FAM168A: variants seen among roughly 807,000 people sequenced by gnomAD.
The protein encoded by FAM168A is protein FAM168A.
A neutral mutation model predicts 28.5 loss-of-function variants in FAM168A; 3 were observed. The observed-to-expected ratio is 0.11, with a 90% confidence interval of 0.05 to 0.27. The LOEUF is 0.27. FAM168A is among the 10% of genes least tolerant of loss of function. The pLI is 1.00. For missense variants in FAM168A, 222 were observed against 311.5 expected (o/e 0.71, Z 2.16); for synonymous variants, 122 against 124.2 (o/e 0.98, Z 0.12).
intron 4 of FAM168A, among the ~76,000 whole-genome samples, chr11:73,418,416 C>T (rs1294454328): frequency 6.6e-6 from 1 of 152,236 alleles, no homozygotes; most frequent in Non-Finnish European, 1.5e-5. Flanking sequence ...TGACTGTAAG[C>T]TTCCTGAGGC....
At chr11:73,461,415 G>A (rs1447918554) in intron 2 of FAM168A, among the ~76,000 whole-genome samples, 1 of 152,146 alleles carries the variant, frequency 6.6e-6, no homozygotes, top group Non-Finnish European at 1.5e-5. Flanking sequence ...ACGGCACATG[G>A]CCCACTGTGA....
At chr11:73,560,722 T>G (rs1264620349) in intron 1 of FAM168A, among the ~76,000 whole-genome samples, 1 of 152,132 alleles carries the variant, frequency 6.6e-6, no homozygotes, top group Non-Finnish European at 1.5e-5. Flanking sequence ...GGTAGGAATG[T>G]AAAATGGTAC....
intron 1 of FAM168A, among the ~76,000 whole-genome samples, chr11:73,543,243 AC>A (rs1199851546): frequency 2.7e-5 from 4 of 149,706 alleles, no homozygotes; most frequent in African/African-American, 9.9e-5. Flanking sequence ...CTAGTAATCA[AC>A]TTCAGCCATT....
intron 4 of FAM168A, among the ~76,000 whole-genome samples, chr11:73,417,733 G>A (rs1019908409): frequency 6.6e-6 from 1 of 151,898 alleles, no homozygotes; most frequent in Non-Finnish European, 1.5e-5. Flanking sequence ...CTAATTTTTT[G>A]TATTTTTAGT....
rs535210561 is a variant in FAM168A, at chr11:73,546,208, G to A, written c.-19+51715C>T. Among the ~76,000 whole-genome samples, 19 of 152,286 alleles carry A rather than the reference G, an allele frequency of 1.2e-4. No individual in the cohort carries two copies. The East Asian group carries it at 1.9e-3, about 15-fold the overall frequency. On this transcript the variant is annotated intron_variant, in intron 1 of 7. Transcript: ENST00000356467. ...TATATATCTAAGATCCTATATCCCTGCATTTAATTATTTGGTCAGCAGTAA... is the reference window on the plus strand; with the variant it reads ...TATATATCTAAGATCCTATATCCCTACATTTAATTATTTGGTCAGCAGTAA...
At chr11:73,425,724 G>A (rs1189185094) in intron 3 of FAM168A, among the ~76,000 whole-genome samples, 1 of 152,200 alleles carries the variant, frequency 6.6e-6, no homozygotes, top group African/African-American at 2.4e-5. Context: ...GAGACTACAG[G>A]TGCATGCCAC....
intron 1 of FAM168A, among the ~76,000 whole-genome samples, chr11:73,587,174 A>C (rs986046663): frequency 6.6e-6 from 1 of 150,758 alleles, no homozygotes; most frequent in East Asian, 1.9e-4. Context: ...AAAAAAAAAA[A>C]AAAACTAAGT....
intron 1 of FAM168A, among the ~76,000 whole-genome samples, chr11:73,590,953 G>A (rs570792440): frequency 6.6e-6 from 1 of 152,252 alleles, no homozygotes; most frequent in East Asian, 1.9e-4. Context: ...GACCAGCCTG[G>A]CCAACATGGT....
intron 1 of FAM168A, among the ~76,000 whole-genome samples, chr11:73,557,570 T>A (rs1396292287): frequency 6.6e-6 from 1 of 152,164 alleles, no homozygotes; most frequent in Non-Finnish European, 1.5e-5. Context: ...ATTCATGAAT[T>A]GGAAATTTTA....
At chr11:73,506,812 A>G (rs1457162594) in intron 1 of FAM168A, among the ~76,000 whole-genome samples, 1 of 152,222 alleles carries the variant, frequency 6.6e-6, no homozygotes, top group Non-Finnish European at 1.5e-5. Flanking sequence ...AACATTAAGT[A>G]CTAATAGTAA....
At chr11:73,585,850 AAAGT>A (rs1182262873) in intron 1 of FAM168A, among the ~76,000 whole-genome samples, 2 of 147,036 alleles carry the variant, frequency 1.4e-5, no homozygotes, top group South Asian at 4.4e-4. Flanking sequence ...CCTGGGTGAC[AAAGT>A]AAGACTCCAT....
intron 1 of FAM168A, among the ~76,000 whole-genome samples, chr11:73,528,130 T>C (rs893776625): frequency 2.6e-5 from 4 of 152,172 alleles, no homozygotes; most frequent in Admixed American, 1.3e-4. Flanking sequence ...CCTCATCCAA[T>C]ACTTTTGATG....
At chr11:73,489,042 G>A (rs192336194) in intron 1 of FAM168A, among the ~76,000 whole-genome samples, 27 of 151,852 alleles carry the variant, frequency 1.8e-4, no homozygotes, top group Admixed American at 3.9e-4. Flanking sequence ...GTGTATGCCC[G>A]TCTAATTTTT....
At chr11:73,572,695 A>G (rs1001535596) in intron 1 of FAM168A, among the ~76,000 whole-genome samples, 7 of 149,846 alleles carry the variant, frequency 4.7e-5, no homozygotes, top group Non-Finnish European at 3.0e-5. Context: ...GTTAAGAGTC[A>G]TCACCACTCC....
chr11:73,524,959 T>G (rs1460829427), intron 1 of FAM168A, among the ~76,000 whole-genome samples: 1 of 152,194 alleles, frequency 6.6e-6, no homozygotes, highest in East Asian at 1.9e-4. Flanking sequence ...TATTCCTTTT[T>G]CAAATAGGAC....
chr11:73,457,761 G>GAAAGA (rs1276860288), intron 2 of FAM168A, among the ~76,000 whole-genome samples: 6 of 87,354 alleles, frequency 6.9e-5, no homozygotes, highest in Non-Finnish European at 9.2e-5. Flanking sequence ...GAAAAGAAAA[G>GAAAGA]AAAGAAAAGA....
intron 1 of FAM168A, among the ~76,000 whole-genome samples, chr11:73,470,122 G>C (rs2134578668): frequency 6.6e-6 from 1 of 152,238 alleles, no homozygotes; most frequent in South Asian, 2.1e-4. Context: ...GTGTTAGCCA[G>C]GATGGTCTCG....
intron 1 of FAM168A, among the ~76,000 whole-genome samples, chr11:73,551,447 G>A (rs1298427854): frequency 1.3e-5 from 2 of 152,158 alleles, no homozygotes; most frequent in African/African-American, 4.8e-5. Flanking sequence ...GCCTCTCAAA[G>A]CTGGAACACC....
At chr11:73,501,156 T>C (rs1281716176) in intron 1 of FAM168A, among the ~76,000 whole-genome samples, 3 of 152,164 alleles carry the variant, frequency 2.0e-5, no homozygotes, top group Non-Finnish European at 4.4e-5. Flanking sequence ...ATTCTGAATA[T>C]ATATGCATCC....
Sources: allele counts gnomAD v4.1 joint callset (sites outside exome capture counted in the v4.1 genomes callset), GRCh38; gene constraint gnomAD v4.1.1; transcripts MANE v1.5; gene names NCBI Gene and HGNC (gene_info 2026-07-23, HGNC 2026-07-21).